ZNF385D: variants seen among roughly 807,000 people sequenced by gnomAD.
ZNF385D encodes zinc finger protein 659.
In ZNF385D, 15 loss-of-function variants were observed where a neutral mutation model predicts 35.8. The ratio of observed to expected loss-of-function variants is 0.42; its 90% CI spans 0.28 to 0.64. The LOEUF is 0.64. ZNF385D is among the 30% of genes least tolerant of loss of function. ZNF385D has a pLI of 0.23. For synonymous variants in ZNF385D, 212 were observed against 186.8 expected, an observed-to-expected ratio of 1.13 and a Z score of -1.10; for missense variants, 474 against 494.6, an observed-to-expected ratio of 0.96 and a Z score of 0.39.
intron 3 of ZNF385D, among the ~76,000 whole-genome samples, chr3:21,980,324 T>C (rs1043940741): frequency 6.6e-6 from 1 of 152,182 alleles, no homozygotes; most frequent in Non-Finnish European, 1.5e-5. Flanking sequence ...TAAGTCGCTT[T>C]TGAATTCCTG....
intron 3 of ZNF385D, among the ~76,000 whole-genome samples, chr3:21,762,176 C>A (rs1005733078): frequency 1.3e-5 from 2 of 152,080 alleles, no homozygotes; most frequent in Non-Finnish European, 2.9e-5. Context: ...TGTGCTCAGT[C>A]TGTCTTCCCT....
chr3:22,290,353 C>T (rs1330753017), intron 2 of ZNF385D, among the ~76,000 whole-genome samples: 1 of 152,134 alleles, frequency 6.6e-6, no homozygotes, highest in African/African-American at 2.4e-5. Context: ...TAATTGTCCA[C>T]CTTCAGGAGG....
intron 2 of ZNF385D, among the ~76,000 whole-genome samples, chr3:21,597,568 C>A (rs1275041672): frequency 6.6e-6 from 1 of 151,912 alleles, no homozygotes; most frequent in Non-Finnish European, 1.5e-5. Context: ...TTTTAAAGCT[C>A]AGACTTGAGA....
At chr3:22,142,165 G>A (rs1218881450) in intron 3 of ZNF385D, among the ~76,000 whole-genome samples, 1 of 151,966 alleles carries the variant, frequency 6.6e-6, no homozygotes, top group African/African-American at 2.4e-5. Context: ...AGTATTATTG[G>A]GTGTTGTTGT....
chr3:22,026,299 G>A (rs1049539063), intron 3 of ZNF385D, among the ~76,000 whole-genome samples: 6 of 152,116 alleles, frequency 3.9e-5, no homozygotes, highest in African/African-American at 1.4e-4. Context: ...GGGGAGGCCA[G>A]AACCCCTTGA....
At chr3:22,273,800 T>C (rs1374049573) in intron 2 of ZNF385D, among the ~76,000 whole-genome samples, 1 of 151,938 alleles carries the variant, frequency 6.6e-6, no homozygotes, top group Non-Finnish European at 1.5e-5. Flanking sequence ...CAACTGAACT[T>C]CTACTGGACC....
chr3:22,255,668 A>C (rs900376657), intron 2 of ZNF385D, among the ~76,000 whole-genome samples: 1 of 151,930 alleles, frequency 6.6e-6, no homozygotes, highest in African/African-American at 2.4e-5. Flanking sequence ...ATTTCAAAAA[A>C]AAAATGCTAG....
intron 3 of ZNF385D, among the ~76,000 whole-genome samples, chr3:21,759,346 G>T (rs1305877393): frequency 6.9e-6 from 1 of 145,548 alleles, no homozygotes; most frequent in Admixed American, 6.7e-5. Context: ...GGAGACCAAG[G>T]ACAAATTATT....
At chr3:22,063,715 C>T (rs926151320) in intron 3 of ZNF385D, among the ~76,000 whole-genome samples, 2 of 152,168 alleles carry the variant, frequency 1.3e-5, no homozygotes, top group African/African-American at 4.8e-5. Flanking sequence ...AAGAATTATA[C>T]TTAGCTGAAA....
chr3:22,124,697 G>C (rs577052669), intron 3 of ZNF385D, among the ~76,000 whole-genome samples: 10 of 152,142 alleles, frequency 6.6e-5, no homozygotes, highest in African/African-American at 2.2e-4. Flanking sequence ...TCATATATTT[G>C]TTTGCTATTT....
intron 2 of ZNF385D, among the ~76,000 whole-genome samples, chr3:21,572,494 G>A (rs1243779456): frequency 1.3e-5 from 2 of 152,098 alleles, no homozygotes; most frequent in Non-Finnish European, 2.9e-5. Flanking sequence ...GTACTTTAAA[G>A]TGAAGGACAT....
intron 3 of ZNF385D, among the ~76,000 whole-genome samples, chr3:21,823,179 AC>A (rs1437509499): frequency 6.6e-6 from 1 of 152,158 alleles, no homozygotes; most frequent in Non-Finnish European, 1.5e-5. Context: ...CTCCATAAAA[AC>A]TTTAAAAGAC....
In ZNF385D at chr3:21,592,187, C is replaced by T. The variant is rs74658192; in HGVS notation, c.166-27503G>A. 8.9e-3 allele frequency among the ~76,000 whole-genome samples: 1,355 copies of T among 152,124 alleles called. 19 individuals are homozygous for T. The highest frequency in any genetic ancestry group is 0.03 in the African/African-American group (1,241 of 41,514). ...ATGATTTATGGTTATTAGTTGTTTT[C>T]TTGACTTATCTAAACCAAACACCTA... On this transcript the variant is annotated intron_variant, in intron 2 of 7. Coordinates refer to ENST00000281523, the MANE Select transcript of ZNF385D (RefSeq NM_024697.3).
intron 2 of ZNF385D, among the ~76,000 whole-genome samples, chr3:21,582,753 TTTTA>T (rs34190489): frequency 2.9e-4 from 44 of 150,728 alleles, no homozygotes; most frequent in East Asian, 1.8e-3. Flanking sequence ...TTTTTAACAC[TTTTA>T]TTTATTTATT....
chr3:22,220,687 A>T (rs1158575302), intron 2 of ZNF385D, among the ~76,000 whole-genome samples: 2 of 152,170 alleles, frequency 1.3e-5, no homozygotes, highest in Non-Finnish European at 1.5e-5. Flanking sequence ...ATTTCATTTT[A>T]ACTGTGATTA....
chr3:21,743,911 A>C (rs565824907), intron 1 of ZNF385D, among the ~76,000 whole-genome samples: 1 of 152,356 alleles, frequency 6.6e-6, no homozygotes, highest in South Asian at 2.1e-4. Flanking sequence ...GTAATTTCAC[A>C]AAGTCAAGTC....
At chr3:21,803,745 C>T (rs1461254084) in intron 3 of ZNF385D, among the ~76,000 whole-genome samples, 1 of 152,066 alleles carries the variant, frequency 6.6e-6, no homozygotes, top group African/African-American at 2.4e-5. Flanking sequence ...TTAAATGTGG[C>T]AAATCTAAGT....
At chr3:21,556,930 A>T (rs2062761643) in intron 3 of ZNF385D, among the ~76,000 whole-genome samples, 18 of 152,160 alleles carry the variant, frequency 1.2e-4, no homozygotes, top group Admixed American at 1.2e-3. Context: ...TTCTCTTTGT[A>T]GCAATTGTGA....
intron 5 of ZNF385D, among the ~76,000 whole-genome samples, chr3:21,429,376 G>A (rs236495): frequency 0.85 from 128,811 of 151,974 alleles, 55,188 homozygotes; most frequent in East Asian, 1. Context: ...TTATATATAT[G>A]CTTTTAGAAA....
Sources: allele counts gnomAD v4.1 joint callset (sites outside exome capture counted in the v4.1 genomes callset), GRCh38; gene constraint gnomAD v4.1.1; transcripts MANE v1.5; gene names NCBI Gene and HGNC (gene_info 2026-07-23, HGNC 2026-07-21).